The following CST7 variants were observed in gnomAD, a reference collection of about 807,000 sequenced individuals.
The protein encoded by CST7 is cystatin-F.
A neutral mutation model predicts 13.1 loss-of-function variants in CST7; 15 were observed. The observed-to-expected ratio is 1.14, with a 90% CI of 0.77 to 1.76. The LOEUF (loss-of-function observed/expected upper bound fraction) is 1.76, where lower values mean the gene tolerates loss of function less well. CST7 is among the 40% of genes most tolerant of loss of function. CST7 has a pLI of 0.00. For missense variants in CST7, 193 were observed against 178.8 expected (o/e 1.08, Z -0.45); for synonymous variants, 75 against 66.9 (o/e 1.12, Z -0.59).
chr20:24,953,657 G>A (rs1180300103), intron 1 of CST7, among the ~76,000 whole-genome samples: 1 of 152,052 alleles, frequency 6.6e-6, no homozygotes, highest in African/African-American at 2.4e-5. Flanking sequence ...CTCCCTACCT[G>A]TCTCAGGCAT....
chr20:24,952,156 T>C (rs1000425101), intron 1 of CST7, among the ~76,000 whole-genome samples: 2 of 152,262 alleles, frequency 1.3e-5, no homozygotes, highest in Non-Finnish European at 1.5e-5. Context: ...TGCATTTTGA[T>C]ATATTGATAA....
chr20:24,959,584 G>A, intron 3 of CST7, 51 bp from the exon 4 acceptor site: 2 of 1,562,682 alleles, frequency 1.3e-6, no homozygotes, highest in Admixed American at 1.7e-5. Flanking sequence ...CGGGCAGAGG[G>A]CTCCCCGCAG....
chr20:24,959,563 C>A, intron 3 of CST7, 72 bp from the exon 4 acceptor site: 2 of 1,406,712 alleles, frequency 1.4e-6, no homozygotes, highest in Non-Finnish European at 2.0e-6. Context: ...TCCATGAGGA[C>A]CACCCCTCCA....
chr20:24,950,168 C>A (rs2087810802), intron 1 of CST7, among the ~76,000 whole-genome samples: 1 of 152,196 alleles, frequency 6.6e-6, no homozygotes, highest in Non-Finnish European at 1.5e-5. Context: ...AACCTGCTCT[C>A]CCCCAAAGGG....
rs77318252 is a variant in CST7, at chr20:24,958,482, C to T, written c.244-446C>T. On this transcript the variant is annotated intron_variant, in intron 2 of 3. Transcript: ENST00000480798. ...CTCTAAGACCACAAATGAGAATGAA[C>T]AAGGCGGCTGCCATATCCAAGTGGA... Among the ~76,000 whole-genome samples, 720 of 152,326 alleles carry T rather than the reference C, an allele frequency of 4.7e-3. 3 individuals carry two copies. Among genetic ancestry groups the T allele is most frequent in the Middle Eastern group, 0.017 (5 of 294 alleles).
intron 1 of CST7, among the ~76,000 whole-genome samples, chr20:24,949,786 G>T (rs1466764259): frequency 6.6e-6 from 1 of 152,224 alleles, no homozygotes; most frequent in Non-Finnish European, 1.5e-5. Context: ...TGAAGGGTTT[G>T]GGGGCTGCCC....
intron 1 of CST7, among the ~76,000 whole-genome samples, chr20:24,950,949 T>G (rs55849863): frequency 0.09 from 13,679 of 152,224 alleles, 698 homozygotes; most frequent in Middle Eastern, 0.11. Flanking sequence ...TGTCCTAGCG[T>G]GTCCTGGGAT....
At chr20:24,952,493 G>T (rs935882555) in intron 1 of CST7, among the ~76,000 whole-genome samples, 1 of 152,132 alleles carries the variant, frequency 6.6e-6, no homozygotes, top group East Asian at 1.9e-4. Flanking sequence ...TGGCCCCAAG[G>T]ACCCAGGCTC....
intron 1 of CST7, among the ~76,000 whole-genome samples, chr20:24,956,703 G>A (rs917098167): frequency 2.0e-5 from 3 of 152,010 alleles, no homozygotes; most frequent in Admixed American, 6.5e-5. Flanking sequence ...CTGAGACTGA[G>A]AGCCAGGCGG....
At chr20:24,955,574 C>G (rs1018147238) in intron 1 of CST7, among the ~76,000 whole-genome samples, 8 of 152,004 alleles carry the variant, frequency 5.3e-5, no homozygotes, top group Admixed American at 5.2e-4. Context: ...CTCATCCTCC[C>G]GAGTACCTGG....
intron 1 of CST7, among the ~76,000 whole-genome samples, chr20:24,951,977 G>C (rs1356200591): frequency 6.6e-6 from 1 of 152,182 alleles, no homozygotes; most frequent in African/African-American, 2.4e-5. Context: ...TCTGCAAGGT[G>C]ATGTCAGTCC....
rs1427305045 is a variant in CST7 at position 24,959,817 on chromosome 20, C to T, written c.*105C>T. 3 of 1,168,688 alleles carry T rather than the reference C, an allele frequency of 2.6e-6. No individual in the cohort carries two copies. The highest frequency in any genetic ancestry group is 3.8e-6 in the Non-Finnish European group (3 of 782,308). 72.4% of individuals were successfully genotyped at this position (1,168,688 alleles called of 1,614,324 possible). ...CCCAGCCTCACAGACCCTCTCAGGC[C>T]TCTGACGAGTGAGCGGGTGAAGTGC... On this transcript the variant is annotated 3_prime_UTR_variant, in exon 4 of 4. Coordinates refer to ENST00000480798, the MANE Select transcript of CST7 (RefSeq NM_003650.4).
intron 1 of CST7, among the ~76,000 whole-genome samples, chr20:24,956,491 G>T (rs548447632): frequency 6.6e-6 from 1 of 152,294 alleles, no homozygotes; most frequent in African/African-American, 2.4e-5. Flanking sequence ...GGAGGCCCCC[G>T]ATGCTGCTTC....
Position 24,955,051 on chromosome 20 carries a change from ACAAC to A in CST7, c.71-2235_71-2232del, listed in dbSNP as rs386813544. ...GAAAGAAAGCAAAACAACAACAACAACAACAAAAAAAAACGCTAATCTGACAGCA... is the reference window on the plus strand; with the variant it reads ...GAAAGAAAGCAAAACAACAACAACAAAAAAAAAAACGCTAATCTGACAGCA... On this transcript the variant is annotated intron_variant, in intron 1 of 3. Coordinates refer to ENST00000480798, the MANE Select transcript of CST7 (RefSeq NM_003650.4). Among the ~76,000 whole-genome samples, 444 of 80,512 alleles carry A rather than the reference ACAAC, an allele frequency of 5.5e-3. 5 individuals carry two copies. The highest frequency in any genetic ancestry group is 5.0e-3 in the Non-Finnish European group (210 of 42,118). 52.8% of individuals were successfully genotyped at this position (80,512 alleles called of 152,430 possible).
chr20:24,954,000 A>G (rs1434894781), intron 1 of CST7, among the ~76,000 whole-genome samples: 1 of 151,864 alleles, frequency 6.6e-6, no homozygotes, highest in East Asian at 1.9e-4. Flanking sequence ...GCCACCTTGC[A>G]GCTGCTCCCC....
In CST7 at chr20:24,949,516, C is replaced by T; in HGVS notation, c.11C>T (p.Ala4Val). Reference protein sequence around the residue: MRAAGTLLAFCCLV... With the variant: MRAVGTLLAFCCLV... ...CCTACCCGGGCAGCCATGCGAGCGG[C>T]TGGAACTCTGCTGGCCTTCTGCTGC... The change falls in exon 1 of 4, where the codon GCT becomes GTT. Residue 4 changes from alanine to valine, a missense_variant. By Grantham distance (64) the Ala-to-Val change is moderately conservative. Transcript: ENST00000480798. The T allele has an allele frequency of 6.2e-7, 1 of 1,614,158 alleles. No individual in the cohort carries two copies. The highest frequency in any genetic ancestry group is 2.2e-5 in the East Asian group (1 of 44,870).
intron 3 of CST7, 62 bp from the exon 4 acceptor site, chr20:24,959,573 A>G: frequency 6.6e-7 from 1 of 1,515,376 alleles, no homozygotes; most frequent in South Asian, 1.1e-5. Context: ...CCACCCCTCC[A>G]CGGGCAGAGG....
chr20:24,957,168 G>A, intron 1 of CST7, 119 bp from the exon 2 acceptor site: 3 of 1,024,508 alleles, frequency 2.9e-6, no homozygotes, highest in Non-Finnish European at 4.3e-6. Flanking sequence ...TGAGGGGTGG[G>A]TAGGGCCAGG....
At chr20:24,951,040 C>T (rs929822802) in intron 1 of CST7, among the ~76,000 whole-genome samples, 6 of 152,140 alleles carry the variant, frequency 3.9e-5, no homozygotes, top group African/African-American at 7.2e-5. Context: ...AACAGGGTGG[C>T]GTGGGAGCCG....
Sources: allele counts gnomAD v4.1 joint callset (sites outside exome capture counted in the v4.1 genomes callset), GRCh38; gene constraint gnomAD v4.1.1; transcripts MANE v1.5; gene names NCBI Gene and HGNC (gene_info 2026-07-23, HGNC 2026-07-21).